The following FGF12 variants were observed in gnomAD, a reference collection of about 807,000 sequenced individuals.
FGF12 encodes fibroblast growth factor 12B.
FGF12 carries 14 observed loss-of-function variants against 23.6 expected under a neutral mutation model. That is an observed-to-expected ratio of 0.59 (90% confidence interval 0.39 to 0.93). The LOEUF is 0.93. Among genes scored for constraint, FGF12 ranks in the 40% least tolerant of loss-of-function variants. FGF12 has a pLI of 0.00. For missense variants in FGF12, 175 were observed against 217.8 expected (o/e 0.80, Z 1.24); for synonymous variants, 62 against 77.3 (o/e 0.80, Z 1.04).
At chr3:192,586,008 G>C (rs1456523703) in intron 2 of FGF12, among the ~76,000 whole-genome samples, 3 of 151,740 alleles carry the variant, frequency 2.0e-5, no homozygotes, top group African/African-American at 7.2e-5. Flanking sequence ...ACTTGACACT[G>C]GAAAGTGGGG....
At chr3:192,459,732 T>C (rs1250582639) in intron 2 of FGF12, among the ~76,000 whole-genome samples, 1 of 152,212 alleles carries the variant, frequency 6.6e-6, no homozygotes, top group African/African-American at 2.4e-5. Flanking sequence ...TGAAGATGTA[T>C]GTGCTTTAAT....
intron 2 of FGF12, among the ~76,000 whole-genome samples, chr3:192,720,239 T>C (rs780562664): frequency 6.6e-6 from 1 of 152,260 alleles, no homozygotes; most frequent in African/African-American, 2.4e-5. Flanking sequence ...CTTTCAATTA[T>C]GTGTGCTTTT....
intron 2 of FGF12, among the ~76,000 whole-genome samples, chr3:192,376,487 C>CA: frequency 6.6e-6 from 1 of 152,022 alleles, no homozygotes; most frequent in South Asian, 2.1e-4. Flanking sequence ...CTCAGCCTCC[C>CA]GAGTAGCTGG....
chr3:192,346,700 A>C (rs985837926), intron 3 of FGF12, among the ~76,000 whole-genome samples: 4 of 152,132 alleles, frequency 2.6e-5, no homozygotes, highest in Admixed American at 1.3e-4. Flanking sequence ...AAACTCAATC[A>C]TTTTGTGGTA....
At chr3:192,265,630 T>C (rs909571888) in intron 4 of FGF12, among the ~76,000 whole-genome samples, 1 of 152,060 alleles carries the variant, frequency 6.6e-6, no homozygotes, top group African/African-American at 2.4e-5. Context: ...TAACTTTCAA[T>C]ATCTATAAAT....
intron 2 of FGF12, among the ~76,000 whole-genome samples, chr3:192,544,797 C>A (rs574883833): frequency 1.3e-5 from 2 of 152,180 alleles, no homozygotes; most frequent in Admixed American, 1.3e-4. Context: ...CAGGTCTAGC[C>A]CACACAAGTT....
At chr3:192,235,530 G>T (rs1719248629) in intron 4 of FGF12, among the ~76,000 whole-genome samples, 1 of 152,180 alleles carries the variant, frequency 6.6e-6, no homozygotes, top group East Asian at 1.9e-4. Flanking sequence ...CACCATGTTG[G>T]CCAGGATGGT....
chr3:192,272,471 A>G (rs1302641816), intron 4 of FGF12, among the ~76,000 whole-genome samples: 9 of 152,208 alleles, frequency 5.9e-5, no homozygotes, highest in African/African-American at 2.2e-4. Flanking sequence ...TGGCTGCATG[A>G]TTACGGGGCA....
Position 192,597,294 on chromosome 3 carries a change from G to A in FGF12, c.13+129887C>T, listed in dbSNP as rs188245006. On this transcript the variant is annotated intron_variant, in intron 2 of 5. Transcript: ENST00000445105. ...CTCAAAATTCTATTGAATCGTTCAC[G>A]CACCAAACCACAGTATATTCCAGAA... 1.6e-3 allele frequency among the ~76,000 whole-genome samples: 236 copies of A among 152,172 alleles called. 1 individual carries two copies. The highest frequency in any genetic ancestry group is 1.0e-3 in the Non-Finnish European group (69 of 68,016).
chr3:192,439,933 G>C (rs371897634), intron 2 of FGF12, among the ~76,000 whole-genome samples: 2 of 149,566 alleles, frequency 1.3e-5, no homozygotes, highest in Admixed American at 1.3e-4. Flanking sequence ...CTGAGATCGC[G>C]CCACTGCATT....
intron 4 of FGF12, among the ~76,000 whole-genome samples, chr3:192,249,248 T>A (rs934163482): frequency 1.3e-5 from 2 of 152,148 alleles, no homozygotes; most frequent in African/African-American, 2.4e-5. Flanking sequence ...TAAAACACTA[T>A]TATAGAGAAC....
chr3:192,592,336 C>A (rs1165906894), intron 2 of FGF12, among the ~76,000 whole-genome samples: 6 of 151,834 alleles, frequency 4.0e-5, no homozygotes, highest in African/African-American at 7.2e-5. Context: ...TTCAGACTAC[C>A]TGGTTCTAGG....
rs538326748 is a variant in FGF12 at position 192,275,777 on chromosome 3, C to T, written c.228+59584G>A. Among the ~76,000 whole-genome samples the T allele has an allele frequency of 3.0e-4, 45 of 152,192 alleles. No homozygotes were observed. In the South Asian group the frequency reaches 3.5e-3, roughly 12 times the overall value. On this transcript the variant is annotated intron_variant, in intron 4 of 5. Coordinates refer to ENST00000445105, the MANE Select transcript of FGF12 (RefSeq NM_004113.6). ...GTGAAGAAATATGAATGTCAAGCCA[C>T]GGAATTTGGACTTTACTCATTGTTC...
chr3:192,692,325 T>G (rs994423712), intron 2 of FGF12, among the ~76,000 whole-genome samples: 2 of 152,130 alleles, frequency 1.3e-5, no homozygotes, highest in Non-Finnish European at 2.9e-5. Context: ...TGTGACTATG[T>G]GAGATTATCC....
chr3:192,566,267 CTT>C (rs1712275005), intron 2 of FGF12, among the ~76,000 whole-genome samples: 2 of 152,208 alleles, frequency 1.3e-5, no homozygotes, highest in Non-Finnish European at 2.9e-5. Flanking sequence ...TGGCCTCAGA[CTT>C]TACTCTCAAT....
intron 2 of FGF12, among the ~76,000 whole-genome samples, chr3:192,550,101 G>A (rs1159287501): frequency 6.6e-6 from 1 of 151,590 alleles, no homozygotes; most frequent in Non-Finnish European, 1.5e-5. Flanking sequence ...ATGTGTGAGT[G>A]TGTATATATA....
At chr3:192,450,485 C>T (rs1374456855) in intron 2 of FGF12, among the ~76,000 whole-genome samples, 1 of 152,184 alleles carries the variant, frequency 6.6e-6, no homozygotes, top group African/African-American at 2.4e-5. Flanking sequence ...AAACTCAACA[C>T]AGGATACTGA....
chr3:192,643,728 A>T (rs1361038110), intron 2 of FGF12, among the ~76,000 whole-genome samples: 1 of 152,194 alleles, frequency 6.6e-6, no homozygotes, highest in Admixed American at 6.5e-5. Flanking sequence ...GTTTTATATC[A>T]GTATATAAAT....
intron 2 of FGF12, among the ~76,000 whole-genome samples, chr3:192,585,245 C>T (rs1713326482): frequency 1.3e-5 from 2 of 152,188 alleles, no homozygotes; most frequent in Admixed American, 1.3e-4. Flanking sequence ...CCTGCTTGCA[C>T]TCACCACTGT....
Sources: allele counts gnomAD v4.1 joint callset (sites outside exome capture counted in the v4.1 genomes callset), GRCh38; gene constraint gnomAD v4.1.1; transcripts MANE v1.5; gene names NCBI Gene and HGNC (gene_info 2026-07-23, HGNC 2026-07-21).